LRP1B: variants seen among roughly 807,000 people sequenced by gnomAD.
LRP1B encodes low-density lipoprotein receptor-related protein 1B.
A neutral mutation model predicts 556.6 loss-of-function variants in LRP1B; 217 were observed. The ratio of observed to expected loss-of-function variants is 0.39; its 90% CI spans 0.35 to 0.44. LRP1B has a LOEUF of 0.44. LRP1B is among the 20% of genes least tolerant of loss of function. The probability of loss-of-function intolerance (pLI) is 1.00; values close to 1 mark genes in which losing one functional copy is unlikely to be tolerated. For missense variants in LRP1B, 5,053 were observed against 5,620.8 expected (o/e 0.90, Z 3.23); for synonymous variants, 2,047 against 1,865.8 (o/e 1.10, Z -2.50).
chr2:141,432,842 CT>C (rs1302166103), intron 3 of LRP1B, among the ~76,000 whole-genome samples: 1 of 143,104 alleles, frequency 7.0e-6, no homozygotes, highest in Non-Finnish European at 1.6e-5. Context: ...TTATTTCAAA[CT>C]TCCGATTTCA....
intron 2 of LRP1B, among the ~76,000 whole-genome samples, chr2:141,563,902 A>T (rs1686244624): frequency 6.6e-6 from 1 of 151,996 alleles, no homozygotes. Context: ...GGGGAAAGCT[A>T]ACCGTTGGGT....
chr2:141,531,242 G>A (rs1684861587), intron 2 of LRP1B, among the ~76,000 whole-genome samples: 1 of 151,936 alleles, frequency 6.6e-6, no homozygotes, highest in Non-Finnish European at 1.5e-5. Flanking sequence ...TCATTTCCTA[G>A]TGCAAAAAGG....
At position 142,119,277 on chromosome 2, in the gene LRP1B, A is replaced by G. The variant is rs140629480; in HGVS notation, c.82+11371T>C. Among the ~76,000 whole-genome samples, 105 of 152,292 alleles carry G rather than the reference A, an allele frequency of 6.9e-4. No homozygotes were observed. The East Asian group carries it at 0.014, about 20-fold the overall frequency. On this transcript the variant is annotated intron_variant, in intron 1 of 90. Transcript: ENST00000389484. ...TTATAATGATCATGTAGCATTTCCA[A>G]GGTAATTTCTCTGGTTGAAGTAAAG...
chr2:140,463,995 A>C (rs556849745), intron 60 of LRP1B, among the ~76,000 whole-genome samples: 1 of 152,214 alleles, frequency 6.6e-6, no homozygotes, highest in East Asian at 1.9e-4. Flanking sequence ...CAGGAGTTCG[A>C]GACCAGCCTG....
intron 7 of LRP1B, among the ~76,000 whole-genome samples, chr2:141,182,721 C>T (rs1024964048): frequency 6.6e-6 from 1 of 151,856 alleles, no homozygotes; most frequent in African/African-American, 2.4e-5. Context: ...AGAAAGATAT[C>T]TTTCCTTGAA....
intron 41 of LRP1B, among the ~76,000 whole-genome samples, chr2:140,676,011 A>G (rs187425971): frequency 3.9e-5 from 6 of 152,324 alleles, no homozygotes; most frequent in African/African-American, 1.4e-4. Flanking sequence ...TCAAGCTGTG[A>G]AAAATGTCAT....
At chr2:140,897,183 T>C (rs925634861) in intron 23 of LRP1B, among the ~76,000 whole-genome samples, 3 of 152,190 alleles carry the variant, frequency 2.0e-5, no homozygotes, top group African/African-American at 4.8e-5. Flanking sequence ...ATGGAAAATA[T>C]AGCAATCTTA....
intron 7 of LRP1B, among the ~76,000 whole-genome samples, chr2:141,144,961 C>G (rs1489090395): frequency 1.3e-5 from 2 of 152,168 alleles, no homozygotes; most frequent in African/African-American, 4.8e-5. Flanking sequence ...TATTAGTACT[C>G]TTTTTGTTGA....
intron 6 of LRP1B, among the ~76,000 whole-genome samples, chr2:141,225,694 A>C (rs2105285927): frequency 6.6e-6 from 1 of 152,346 alleles, no homozygotes; most frequent in African/African-American, 2.4e-5. Context: ...AAATTCAGTA[A>C]GAAATTTAAT....
Position 141,822,092 on chromosome 2 carries a change from TACACACACACACACACACAC to T in LRP1B, c.83-11711_83-11692del, listed in dbSNP as rs149899299. Among the ~76,000 whole-genome samples the T allele has an allele frequency of 4.4e-5, 5 of 112,370 alleles. No homozygotes were observed. The Admixed American group carries it at 5.2e-4, about 12-fold the overall frequency. The allele number at this position is 112,370 out of a possible 152,430, so 73.7% of individuals were successfully genotyped here. A position where few individuals can be genotyped will look rare whatever the true frequency, so the allele number is the denominator to read the frequency against. Reference sequence around the variant, plus strand: ...AACTGCTTCTTCACCAAAAAATACATACACACACACACACACACACACACACACACACACACACAGAGAGA... The same window carrying T: ...AACTGCTTCTTCACCAAAAAATACATACACACACACACACACACAGAGAGA... On this transcript the variant is annotated intron_variant, in intron 1 of 90. Transcript: ENST00000389484.
At chr2:140,262,241 C>T (rs1573701754) in intron 86 of LRP1B, among the ~76,000 whole-genome samples, 1 of 152,176 alleles carries the variant, frequency 6.6e-6, no homozygotes, top group South Asian at 2.1e-4. Flanking sequence ...CCATATATCA[C>T]AGTGGTACAC....
intron 23 of LRP1B, among the ~76,000 whole-genome samples, chr2:140,895,436 A>G (rs1693923788): frequency 6.6e-6 from 1 of 152,128 alleles, no homozygotes; most frequent in Non-Finnish European, 1.5e-5. Flanking sequence ...TGCGGCTCTC[A>G]ACCCCTCGTG....
chr2:140,804,088 A>G (rs1011177610), intron 32 of LRP1B, among the ~76,000 whole-genome samples: 20 of 152,006 alleles, frequency 1.3e-4, no homozygotes, highest in African/African-American at 4.8e-4. Flanking sequence ...AAAAATCTGC[A>G]CTTGACAACA....
At chr2:141,893,017 T>C (rs1369778958) in intron 1 of LRP1B, among the ~76,000 whole-genome samples, 1 of 152,218 alleles carries the variant, frequency 6.6e-6, no homozygotes, top group Non-Finnish European at 1.5e-5. Flanking sequence ...CTTAATTTTA[T>C]TGTTGAAAAT....
At chr2:142,085,222 T>G (rs1310554239) in intron 1 of LRP1B, among the ~76,000 whole-genome samples, 2 of 152,192 alleles carry the variant, frequency 1.3e-5, no homozygotes, top group African/African-American at 4.8e-5. Flanking sequence ...AAAAATCCAC[T>G]TAAGTCAAAG....
At chr2:141,608,781 T>C (rs1325085347) in intron 2 of LRP1B, among the ~76,000 whole-genome samples, 2 of 152,206 alleles carry the variant, frequency 1.3e-5, no homozygotes. Context: ...AAATTCCCTA[T>C]AGTCAGTTGA....
intron 7 of LRP1B, among the ~76,000 whole-genome samples, chr2:141,180,529 T>G (rs1680943916): frequency 6.6e-6 from 1 of 151,950 alleles, no homozygotes; most frequent in Non-Finnish European, 1.5e-5. Flanking sequence ...ATTACCCAAG[T>G]GGTTTGGAAA....
chr2:140,565,080 C>T (rs774764264), intron 43 of LRP1B, among the ~76,000 whole-genome samples: 21 of 102,488 alleles, frequency 2.0e-4, no homozygotes, highest in South Asian at 3.4e-4. Flanking sequence ...TTTTTTTTCA[C>T]GGCAGATTCT....
intron 35 of LRP1B, among the ~76,000 whole-genome samples, chr2:140,724,795 T>C (rs1419178152): frequency 7.3e-6 from 1 of 136,482 alleles, no homozygotes; most frequent in Non-Finnish European, 1.6e-5. Flanking sequence ...TGACTTGTTT[T>C]AATTATCGAG....
Sources: allele counts gnomAD v4.1 joint callset (sites outside exome capture counted in the v4.1 genomes callset), GRCh38; gene constraint gnomAD v4.1.1; transcripts MANE v1.5; gene names NCBI Gene and HGNC (gene_info 2026-07-23, HGNC 2026-07-21).